Variants in PPEF2 observed in about 807,000 individuals in gnomAD.
PPEF2 encodes protein phosphatase with EF-hand domain 2, also known as serine/threonine-protein phosphatase with EF-hands 2.
A neutral mutation model predicts 84.7 loss-of-function variants in PPEF2; 84 were observed. That is an observed-to-expected ratio of 0.99 (90% CI 0.83 to 1.19). The LOEUF (loss-of-function observed/expected upper bound fraction) is 1.19. Ranked by LOEUF, PPEF2 falls within the 50% of genes most tolerant of loss-of-function variation. The pLI is 0.00. For missense variants in PPEF2, 924 were observed against 937.5 expected (o/e 0.99, Z 0.19); for synonymous variants, 346 against 345.2 (o/e 1.00, Z -0.03).
In PPEF2 at chr4:75,896,307, T is replaced by C. The variant is rs1170175357; in HGVS notation, c.19A>G (p.Thr7Ala). 8 of 1,614,016 alleles carry C rather than the reference T, an allele frequency of 5.0e-6. No individual in the cohort carries two copies. Among genetic ancestry groups the C allele is most frequent in the Non-Finnish European group, 6.8e-6 (8 of 1,180,028 alleles). Residue 7 changes from threonine to alanine, a missense_variant, in exon 2 of 17, where the codon ACC becomes GCC. Coordinates refer to ENST00000286719, the MANE Select transcript of PPEF2 (RefSeq NM_006239.3). MGSGTS[T>A]QHHFAFQNAE... Reference sequence around the variant, plus strand: ...TTCTGGAAAGCAAAATGATGTTGGGTGGAGGTGCCGCTTCCCATAGTTTAA... The same window carrying C: ...TTCTGGAAAGCAAAATGATGTTGGGCGGAGGTGCCGCTTCCCATAGTTTAA...
chr4:75,900,643 G>A (rs1725098846), intron 1 of PPEF2, among the ~76,000 whole-genome samples: 1 of 152,118 alleles, frequency 6.6e-6, no homozygotes, highest in African/African-American at 2.4e-5. Context: ...GGTTATATAT[G>A]AGGAGTACTT....
intron 10 of PPEF2, 168 bp downstream of exon 10, chr4:75,882,758 G>A: frequency 1.6e-6 from 1 of 640,986 alleles, no homozygotes; most frequent in Non-Finnish European, 2.5e-6. Flanking sequence ...CTTCTAAAGT[G>A]CTGAGTTTAT....
At chr4:75,875,610 A>G (rs1318490848) in intron 11 of PPEF2, among the ~76,000 whole-genome samples, 2 of 152,206 alleles carry the variant, frequency 1.3e-5, no homozygotes, top group East Asian at 3.9e-4. Flanking sequence ...ATTGTCTCAA[A>G]GAAAAACAAA....
At chr4:75,865,269 A>C (rs1451956230) in intron 15 of PPEF2, among the ~76,000 whole-genome samples, 1 of 152,044 alleles carries the variant, frequency 6.6e-6, no homozygotes, top group East Asian at 1.9e-4. Flanking sequence ...TATTTTTAAT[A>C]ATTTTGTGCA....
intron 10 of PPEF2, among the ~76,000 whole-genome samples, chr4:75,877,034 G>GAAAGAAAGAAAGAAAGAAAGAAAGAAAGA (rs1560482881): frequency 1.4e-5 from 2 of 143,052 alleles, no homozygotes. Context: ...AAGAAAGAAA[G>GAAAGAAAGAAAGAAAGAAAGAAAGAAAGA]AAAGAAAAGA....
chr4:75,877,552 G>C (rs1174946225), intron 10 of PPEF2, among the ~76,000 whole-genome samples: 1 of 152,104 alleles, frequency 6.6e-6, no homozygotes, highest in African/African-American at 2.4e-5. Context: ...TCCTGGCCTG[G>C]GACAAGGTAA....
intron 2 of PPEF2, among the ~76,000 whole-genome samples, chr4:75,895,084 G>A (rs868760408): frequency 1.3e-5 from 2 of 151,436 alleles, no homozygotes; most frequent in East Asian, 1.9e-4. Flanking sequence ...GCTCCTGAGT[G>A]TCTAGGACTA....
At chr4:75,900,000 A>G (rs1038637316) in intron 1 of PPEF2, among the ~76,000 whole-genome samples, 2 of 152,192 alleles carry the variant, frequency 1.3e-5, no homozygotes, top group African/African-American at 4.8e-5. Flanking sequence ...TTTCTCATCT[A>G]TGTATCTTCA....
At chr4:75,864,291 G>C in intron 16 of PPEF2, 149 bp downstream of exon 16, 1 of 631,998 alleles carries the variant, frequency 1.6e-6, no homozygotes, top group Non-Finnish European at 2.7e-6. Flanking sequence ...TACTTTCCTA[G>C]TTTCTGTCAT....
intron 11 of PPEF2, 68 bp downstream of exon 11, chr4:75,876,219 T>C: frequency 6.6e-7 from 1 of 1,507,808 alleles, no homozygotes; most frequent in South Asian, 1.3e-5. Context: ...ATCCTGAGTT[T>C]CCCTGGAAGG....
intron 10 of PPEF2, among the ~76,000 whole-genome samples, chr4:75,880,240 G>T (rs1412734808): frequency 6.6e-6 from 1 of 152,112 alleles, no homozygotes; most frequent in African/African-American, 2.4e-5. Context: ...GCTGTTCTGG[G>T]CATTTTCTAT....
At position 75,896,373 on chromosome 4, in the gene PPEF2, T is replaced by A. The variant is rs760837797; in HGVS notation, c.-48A>T. 6.9e-6 allele frequency: 11 copies of A among 1,592,312 alleles called. No homozygotes were observed. The highest frequency in any genetic ancestry group is 9.5e-6 in the Non-Finnish European group (11 of 1,160,284). On this transcript the variant is annotated 5_prime_UTR_variant, in exon 2 of 17. Transcript: ENST00000286719. The stretch of plus-strand genomic sequence containing the variant: ...AGGACGCAGCAGATCCAGAGGACAG[T>A]GAGCTGTTTGCTGACAAAATGAAGA...
intron 11 of PPEF2, among the ~76,000 whole-genome samples, chr4:75,873,935 G>A (rs1379208029): frequency 2.0e-5 from 3 of 151,476 alleles, no homozygotes; most frequent in Non-Finnish European, 4.4e-5. Flanking sequence ...GTGAAATCCC[G>A]TCTTTACTAA....
At chr4:75,901,870 T>C (rs1292540205) in intron 1 of PPEF2, among the ~76,000 whole-genome samples, 1 of 152,132 alleles carries the variant, frequency 6.6e-6, no homozygotes, top group East Asian at 1.9e-4. Context: ...GAGGCTGAAG[T>C]GAGAAGACTG....
At chr4:75,863,208 TA>T (rs200955615) in intron 16 of PPEF2, among the ~76,000 whole-genome samples, 2,749 of 152,064 alleles carry the variant, frequency 0.018, 74 homozygotes, top group African/African-American at 0.063. Flanking sequence ...TAAAATGTTC[TA>T]GGCCAGGTGC....
rs554298761 is a variant in PPEF2 at position 75,876,376 on chromosome 4, C to T, written c.1231G>A (p.Gly411Arg). 5 of 1,613,984 alleles carry T rather than the reference C, an allele frequency of 3.1e-6. No individual in the cohort carries two copies. Among genetic ancestry groups the T allele is most frequent in the East Asian group, 2.2e-5 (1 of 44,870 alleles). Residue 411 changes from glycine (G) to arginine (R), a missense_variant, in exon 11 of 17, where the codon GGA becomes AGA. Coordinates refer to ENST00000286719, the MANE Select transcript of PPEF2 (RefSeq NM_006239.3). Reference sequence around the variant, plus strand: ...GAGCGGGAGGGCTCCTCTTTCTCTCCGGTCACCAGGAGGCCTGCTTGCTGC... The same window carrying T: ...GAGCGGGAGGGCTCCTCTTTCTCTCTGGTCACCAGGAGGCCTGCTTGCTGC... Reference protein sequence around the residue: ...CRQQAGLLVTGEKEEPSRSAS... With the variant: ...CRQQAGLLVTREKEEPSRSAS...
intron 13 of PPEF2, among the ~76,000 whole-genome samples, chr4:75,870,671 T>G (rs1271481911): frequency 1.3e-5 from 2 of 152,190 alleles, no homozygotes; most frequent in Non-Finnish European, 2.9e-5. Context: ...ATTGCCTCGG[T>G]CAAGGACTAC....
chr4:75,896,229 T>G, intron 2 of PPEF2, 42 bp downstream of exon 2: 1 of 1,595,550 alleles, frequency 6.3e-7, no homozygotes, highest in Non-Finnish European at 8.6e-7. Context: ...AATATGGGCT[T>G]TGTGGTACCC....
intron 2 of PPEF2, among the ~76,000 whole-genome samples, chr4:75,893,796 C>T (rs1168210468): frequency 3.3e-5 from 5 of 151,912 alleles, no homozygotes; most frequent in African/African-American, 4.9e-5. Context: ...ATGAGACATA[C>T]GTATTACATC....
Sources: allele counts gnomAD v4.1 joint callset (sites outside exome capture counted in the v4.1 genomes callset), GRCh38; gene constraint gnomAD v4.1.1; transcripts MANE v1.5; gene names NCBI Gene and HGNC (gene_info 2026-07-23, HGNC 2026-07-21).